Variants in STON1 observed in about 807,000 individuals in gnomAD.
STON1 encodes stonin 1, also known as stonin-1.
A neutral mutation model predicts 60.9 loss-of-function variants in STON1; 79 were observed. That is an observed-to-expected ratio of 1.30 (90% CI 1.08 to 1.56). STON1 has a LOEUF of 1.56. Among genes scored for constraint, STON1 ranks in the 40% most tolerant of loss-of-function variants. The pLI, the probability that STON1 is intolerant of heterozygous loss-of-function variation, is 0.00. For missense variants in STON1, 1,166 were observed against 858.9 expected, an observed-to-expected ratio of 1.36 and a Z score of -4.47; for synonymous variants, 363 against 306.9, an observed-to-expected ratio of 1.18 and a Z score of -1.91.
chr2:48,557,663 G>A (rs1429740727), intron 1 of STON1, among the ~76,000 whole-genome samples: 2 of 70,286 alleles, frequency 2.8e-5, no homozygotes, highest in African/African-American at 5.0e-5. Flanking sequence ...CTGAGTGAAC[G>A]AGACTCCGTC....
chr2:48,585,322 A>G (rs1366387800), intron 2 of STON1, among the ~76,000 whole-genome samples: 1 of 151,836 alleles, frequency 6.6e-6, no homozygotes, highest in Non-Finnish European at 1.5e-5. Context: ...ATCTTGGCTC[A>G]CTGCAACCGC....
intron 1 of STON1, among the ~76,000 whole-genome samples, chr2:48,554,260 C>T (rs927790117): frequency 2.0e-5 from 3 of 152,190 alleles, no homozygotes; most frequent in East Asian, 1.9e-4. Context: ...CTCTCTTTGT[C>T]GCCCGAGCTG....
chr2:48,543,052 G>A (rs968489650), intron 1 of STON1, among the ~76,000 whole-genome samples: 5 of 139,044 alleles, frequency 3.6e-5, no homozygotes, highest in East Asian at 2.2e-4. Flanking sequence ...TCCACTCACT[G>A]TAACCTCTGC....
At chr2:48,537,743 G>A (rs931724249) in intron 1 of STON1, among the ~76,000 whole-genome samples, 2 of 151,662 alleles carry the variant, frequency 1.3e-5, no homozygotes, top group Admixed American at 1.3e-4. Context: ...CCAGCTACTC[G>A]GGAGGCTGAG....
intron 1 of STON1, among the ~76,000 whole-genome samples, chr2:48,565,340 C>T (rs1672894924): frequency 2.0e-5 from 3 of 152,158 alleles, no homozygotes; most frequent in African/African-American, 7.2e-5. Flanking sequence ...GCGTGAGCCA[C>T]CGCGCCCAGC....
Position 48,582,509 on chromosome 2 carries a change from A to C in STON1, c.1876A>C (p.Ser626Arg). 1 of 1,614,172 alleles carries C rather than the reference A, an allele frequency of 6.2e-7. No individual in the cohort carries two copies. Among genetic ancestry groups the C allele is most frequent in the African/African-American group, 1.3e-5 (1 of 75,056 alleles). ...CACTGTGGGGTCAGCAAAATATGAG[A>C]GTGCCTACCAGGCAGTGGTATGGAA... ...QVTVGSAKYE[S>R]AYQAVVWKID... The change falls in exon 2 of 4, where the codon AGT becomes CGT. Residue 626 changes from serine (S) to arginine (R), a missense_variant. Transcript: ENST00000404752.
At chr2:48,533,123 C>T (rs1453430797) in intron 1 of STON1, among the ~76,000 whole-genome samples, 2 of 152,078 alleles carry the variant, frequency 1.3e-5, no homozygotes, top group Non-Finnish European at 2.9e-5. Context: ...GTGGCTTCCG[C>T]TTGTAATCCC....
intron 2 of STON1, among the ~76,000 whole-genome samples, chr2:48,588,229 T>A (rs1674322709): frequency 6.6e-6 from 1 of 152,204 alleles, no homozygotes; most frequent in Non-Finnish European, 1.5e-5. Flanking sequence ...AATAGCAGGA[T>A]CCCAGAATGC....
chr2:48,550,077 G>A (rs573512042), intron 1 of STON1, among the ~76,000 whole-genome samples: 1 of 152,050 alleles, frequency 6.6e-6, no homozygotes, highest in African/African-American at 2.4e-5. Flanking sequence ...AGATGCTCTA[G>A]TTGAGGATTC....
At chr2:48,590,544 A>G (rs1235625259) in intron 2 of STON1, among the ~76,000 whole-genome samples, 1 of 152,040 alleles carries the variant, frequency 6.6e-6, no homozygotes, top group Non-Finnish European at 1.5e-5. Flanking sequence ...GCCACATTAG[A>G]TATGGAGATG....
At chr2:48,549,463 C>G (rs901783110) in intron 1 of STON1, among the ~76,000 whole-genome samples, 1 of 152,060 alleles carries the variant, frequency 6.6e-6, no homozygotes, top group Admixed American at 6.6e-5. Context: ...CATCTGGTAT[C>G]AAAGATGTGG....
At chr2:48,583,888 A>G (rs1674048488) in intron 2 of STON1, among the ~76,000 whole-genome samples, 2 of 151,804 alleles carry the variant, frequency 1.3e-5, no homozygotes, top group African/African-American at 4.8e-5. Context: ...AGTAGCTGGA[A>G]CTACAGGCGC....
In STON1 at chr2:48,598,006, C is replaced by G. The variant is rs553567475; in HGVS notation, c.*2704C>G. ...TAGCATTCATTTTGCTTAGATCACT[C>G]CATTGTGAGTTTGACCATTTTGGAG... On this transcript the variant is annotated 3_prime_UTR_variant, in exon 4 of 4. Coordinates refer to ENST00000404752, the MANE Select transcript of STON1 (RefSeq NM_006873.4). 6.6e-6 allele frequency: 1 copy of G among 152,262 alleles called. No individual in the cohort carries two copies. The highest frequency in any genetic ancestry group is 6.5e-5 in the Admixed American group (1 of 15,294). 9.4% of individuals were successfully genotyped at this position (152,262 alleles called of 1,614,324 possible).
At position 48,564,481 on chromosome 2, in the gene STON1, T is replaced by TC. The variant is rs1298423504; in HGVS notation, c.-47-16106_-47-16105insC. 6.2e-4 allele frequency among the ~76,000 whole-genome samples: 16 copies of TC among 25,682 alleles called. 2 individuals are homozygous for TC. The highest frequency in any genetic ancestry group is 2.5e-3 in the Admixed American group (7 of 2,856). The allele number at this position is 25,682 out of a possible 152,430, so 16.8% of individuals were successfully genotyped here. A position where few individuals can be genotyped will look rare whatever the true frequency, so the allele number is the denominator to read the frequency against. ...TTCTTCTTCTTCTTCTTCTTCTTCT[T>TC]TCTTCTTCTTCTTCTTCTTCTTCTT... On this transcript the variant is annotated intron_variant, in intron 1 of 3. Transcript: ENST00000404752.
intron 1 of STON1, among the ~76,000 whole-genome samples, chr2:48,538,763 A>ATTTTTTTTTTTTT (rs34052598): frequency 4.6e-5 from 4 of 86,372 alleles, no homozygotes; most frequent in Non-Finnish European, 6.6e-5. Context: ...ACACCCAGCT[A>ATTTTTTTTTTTTT]TTTTTTTTTT....
intron 2 of STON1, among the ~76,000 whole-genome samples, chr2:48,587,231 C>G (rs1315680735): frequency 6.6e-6 from 1 of 152,234 alleles, no homozygotes; most frequent in East Asian, 1.9e-4. Context: ...TCATTCCTCC[C>G]TGCTCTGCAT....
At chr2:48,591,133 C>A (rs1314317972) in intron 2 of STON1, among the ~76,000 whole-genome samples, 1 of 151,206 alleles carries the variant, frequency 6.6e-6, no homozygotes, top group African/African-American at 2.4e-5. Flanking sequence ...AAATATTACT[C>A]ATATCTTTTA....
intron 1 of STON1, among the ~76,000 whole-genome samples, chr2:48,558,413 G>A (rs533404203): frequency 6.6e-6 from 1 of 152,308 alleles, no homozygotes; most frequent in East Asian, 1.9e-4. Flanking sequence ...ATTTCCAGGT[G>A]AGCATGATGG....
chr2:48,538,863 C>T (rs928527609), intron 1 of STON1, among the ~76,000 whole-genome samples: 1 of 150,686 alleles, frequency 6.6e-6, no homozygotes, highest in African/African-American at 2.4e-5. Context: ...AGTGATCCGC[C>T]TGCCGCGGCC....
Sources: gnomAD v4.1 joint callset for allele counts (sites outside exome capture counted in the v4.1 genomes callset) on GRCh38, gnomAD v4.1.1 for gene constraint, MANE v1.5 for transcripts, NCBI Gene and HGNC (gene_info 2026-07-23, HGNC 2026-07-21) for gene names.